UBOX5: variants seen among roughly 807,000 people sequenced by gnomAD.
UBOX5 encodes the protein RING finger protein 37.
UBOX5 carries 28 observed loss-of-function variants against 39.0 expected under a neutral mutation model. That is an observed-to-expected ratio of 0.72 (90% confidence interval 0.53 to 0.98). The LOEUF is 0.98. UBOX5 is among the 50% of genes least tolerant of loss of function. The probability of loss-of-function intolerance (pLI) is 0.00; values close to 1 mark genes in which losing one functional copy is unlikely to be tolerated. For synonymous variants in UBOX5, 283 were observed against 275.5 expected (o/e 1.03, Z -0.27); for missense variants, 585 against 674.4 (o/e 0.87, Z 1.47).
intron 1 of UBOX5, among the ~76,000 whole-genome samples, chr20:3,159,055 G>C (rs528457014): frequency 1.3e-5 from 2 of 152,310 alleles, no homozygotes; most frequent in East Asian, 3.9e-4. Context: ...GAACACAGCT[G>C]ATATGAGGGG....
intron 1 of UBOX5, among the ~76,000 whole-genome samples, chr20:3,125,652 T>G (rs2066380350): frequency 7.9e-6 from 1 of 125,874 alleles, no homozygotes; most frequent in Non-Finnish European, 1.6e-5. Context: ...GGCCACCCCG[T>G]CTGAGAAGTG....
chr20:3,125,188 C>A lies in UBOX5; in HGVS notation c.-41-1782G>T, dbSNP rs566190617. ...AGTGAGGAGCGCCACTGCCCGGCTG[C>A]ACCATCTGAGAAGTGAGGAGTGCCT... On this transcript the variant is annotated intron_variant, in intron 1 of 4. Transcript: ENST00000217173. Among the ~76,000 whole-genome samples the A allele has an allele frequency of 5.2e-4, 78 of 149,786 alleles. 1 individual carries two copies. Among genetic ancestry groups the A allele is most frequent in the Non-Finnish European group, 1.1e-3 (73 of 67,548 alleles).
intron 1 of UBOX5, among the ~76,000 whole-genome samples, chr20:3,152,334 A>T (rs2066637580): frequency 6.6e-6 from 1 of 151,016 alleles, no homozygotes; most frequent in Non-Finnish European, 1.5e-5. Context: ...ACAAAAAATT[A>T]GCCAGGCGTG....
chr20:3,138,777 G>A (rs1301035770), intron 1 of UBOX5, among the ~76,000 whole-genome samples: 1 of 152,168 alleles, frequency 6.6e-6, no homozygotes, highest in South Asian at 2.1e-4. Flanking sequence ...GCACCTGGGG[G>A]TAGGGAAGTG....
At chr20:3,147,840 T>A (rs1300070117) in intron 1 of UBOX5, 1 of 1,614,238 alleles carries the variant, frequency 6.2e-7, no homozygotes. Flanking sequence ...ACTGCATTCA[T>A]TACTCCTTCA....
intron 1 of UBOX5, among the ~76,000 whole-genome samples, chr20:3,144,748 A>G (rs1314152462): frequency 1.3e-5 from 2 of 152,190 alleles, no homozygotes; most frequent in Non-Finnish European, 2.9e-5. Flanking sequence ...CAATCTCCTT[A>G]TGTTTGTGCT....
intron 3 of UBOX5, among the ~76,000 whole-genome samples, chr20:3,118,486 A>G (rs1355467664): frequency 6.6e-6 from 1 of 151,452 alleles, no homozygotes; most frequent in Non-Finnish European, 1.5e-5. Flanking sequence ...AAATACAAAA[A>G]TCAGCCAGGT....
intron 1 of UBOX5, chr20:3,147,432 A>C (rs1229560143): frequency 3.1e-6 from 5 of 1,614,056 alleles, no homozygotes; most frequent in African/African-American, 1.3e-5. Flanking sequence ...TCTGCTAAAT[A>C]CCACAGCAAT....
At chr20:3,110,686 A>T (rs2066246654) in intron 4 of UBOX5, 1 of 291,118 alleles carries the variant, frequency 3.4e-6, no homozygotes, top group Non-Finnish European at 6.7e-6. Flanking sequence ...ACTGCAAGAA[A>T]TGTGAGAGGC....
rs78583072 is a variant in UBOX5, at chr20:3,137,878, T to G, written c.-41-14472A>C. Among the ~76,000 whole-genome samples the G allele has an allele frequency of 4.0e-3, 616 of 152,338 alleles. 4 individuals are homozygous for G. Among genetic ancestry groups the G allele is most frequent in the African/African-American group, 0.014 (591 of 41,574 alleles). On this transcript the variant is annotated intron_variant, in intron 1 of 4. Coordinates refer to ENST00000217173, the MANE Select transcript of UBOX5 (RefSeq NM_014948.4). ...CTAAGCCTTGGCTGAAGACTCCAGT[T>G]AAGCTCACTGCCCACACTGTAAGAA...
chr20:3,146,699 G>A, intron 1 of UBOX5: 1 of 1,493,638 alleles, frequency 6.7e-7, no homozygotes, highest in Non-Finnish European at 9.0e-7. Context: ...CTTACATTCT[G>A]GCTTTTATAA....
intron 1 of UBOX5, among the ~76,000 whole-genome samples, chr20:3,127,199 C>A (rs1446681230): frequency 6.6e-6 from 1 of 152,118 alleles, no homozygotes; most frequent in Non-Finnish European, 1.5e-5. Context: ...CTTGGTGAGG[C>A]CAGCCAGCCA....
chr20:3,125,490 G>GCCA (rs2066377591), intron 1 of UBOX5, among the ~76,000 whole-genome samples: 2 of 128,996 alleles, frequency 1.6e-5, no homozygotes, highest in South Asian at 2.6e-4. Context: ...CTGCCCGGCC[G>GCCA]CCCATCATCT....
intron 1 of UBOX5, among the ~76,000 whole-genome samples, chr20:3,142,007 TTTTTCTTTTC>T (rs375226787): frequency 6.6e-6 from 1 of 150,416 alleles, no homozygotes; most frequent in Middle Eastern, 3.2e-3. Context: ...AGTGAGACCC[TTTTTCTTTTC>T]TTTTCTTTTC....
intron 3 of UBOX5, among the ~76,000 whole-genome samples, chr20:3,118,221 C>G (rs919063117): frequency 3.3e-5 from 5 of 151,682 alleles, no homozygotes; most frequent in African/African-American, 1.2e-4. Context: ...GCCTGTAATC[C>G]CAGCACTTTG....
chr20:3,116,956 C>T (rs545640851), intron 3 of UBOX5, among the ~76,000 whole-genome samples: 19 of 152,010 alleles, frequency 1.2e-4, no homozygotes, highest in African/African-American at 1.9e-4. Context: ...ATTAGCCAGG[C>T]GTAGTAGTGC....
At chr20:3,146,921 A>G in intron 1 of UBOX5, 3 of 1,614,220 alleles carry the variant, frequency 1.9e-6, no homozygotes, top group Non-Finnish European at 2.5e-6. Flanking sequence ...CATATTGTGC[A>G]GTCCAAGGAG....
intron 1 of UBOX5, among the ~76,000 whole-genome samples, chr20:3,144,145 A>C (rs957173807): frequency 3.3e-5 from 5 of 152,208 alleles, no homozygotes; most frequent in Non-Finnish European, 7.3e-5. Flanking sequence ...CCCTATCAAA[A>C]GCCCAAAGGC....
In UBOX5 at chr20:3,121,626, G is replaced by A; in HGVS notation, c.1013C>T (p.Pro338Leu). ...IDHFLLQHSI[P>L]GCHLLGRAQT... ...TGCTCTCCCAAGCAGGTGGCAGCCA[G>A]GGATGGAGTGCTGGAGCAGGAAATG... Residue 338 changes from proline (P) to leucine (L), a missense_variant, in exon 3 of 5, where the codon CCT becomes CTT. By Grantham distance (98) the Pro-to-Leu change is moderately conservative. Transcript: ENST00000217173. 6.2e-7 allele frequency: 1 copy of A among 1,610,714 alleles called. No individual in the cohort carries two copies. Among genetic ancestry groups the A allele is most frequent in the Non-Finnish European group, 8.5e-7 (1 of 1,178,492 alleles).
Sources: allele counts gnomAD v4.1 joint callset (sites outside exome capture counted in the v4.1 genomes callset), GRCh38; gene constraint gnomAD v4.1.1; transcripts MANE v1.5; gene names NCBI Gene and HGNC (gene_info 2026-07-23, HGNC 2026-07-21).